Variants in ASIC2 observed in about 807,000 individuals in gnomAD.
ASIC2 encodes the protein acid-sensing ion channel 2.
In ASIC2, 25 loss-of-function variants were observed where a neutral mutation model predicts 57.3. That is an observed-to-expected ratio of 0.44 (90% confidence interval 0.32 to 0.61). The LOEUF is 0.61. ASIC2 is among the 20% of genes least tolerant of loss of function. ASIC2 has a pLI of 0.06. For synonymous variants in ASIC2, 319 were observed against 307.5 expected, an observed-to-expected ratio of 1.04 and a Z score of -0.39; for missense variants, 641 against 738.1, an observed-to-expected ratio of 0.87 and a Z score of 1.52.
intron 1 of ASIC2, among the ~76,000 whole-genome samples, chr17:33,966,912 C>T (rs938698570): frequency 6.6e-6 from 1 of 152,154 alleles, no homozygotes; most frequent in Non-Finnish European, 1.5e-5. Context: ...TGACCCCCCG[C>T]ACCCACCCCA....
intron 1 of ASIC2, among the ~76,000 whole-genome samples, chr17:33,364,134 C>T (rs1908716901): frequency 6.6e-6 from 1 of 152,144 alleles, no homozygotes; most frequent in South Asian, 2.1e-4. Flanking sequence ...AAGTGGAACT[C>T]ATAGTCTAGG....
chr17:34,132,701 G>A (rs1351429877), intron 1 of ASIC2, among the ~76,000 whole-genome samples: 3 of 152,156 alleles, frequency 2.0e-5, no homozygotes, highest in East Asian at 1.9e-4. Context: ...CTCGACCCAC[G>A]AAGTCCAGCT....
chr17:33,766,346 G>C (rs1910935942), intron 1 of ASIC2, among the ~76,000 whole-genome samples: 1 of 152,166 alleles, frequency 6.6e-6, no homozygotes, highest in Non-Finnish European at 1.5e-5. Flanking sequence ...CTTTTGGAAT[G>C]TATCCCCTAC....
Position 33,111,937 on chromosome 17 carries a change from A to T in ASIC2, c.839T>A (p.Leu280Gln). 4 of 1,613,502 alleles carry T rather than the reference A, an allele frequency of 2.5e-6. No individual in the cohort carries two copies. The highest frequency in any genetic ancestry group is 3.4e-6 in the Non-Finnish European group (4 of 1,179,716). ...IMLDIQQDEY[L>Q]PIWGETEETT... ...CTCACCTGTCTCTCCCCAGATGGGCAGGTACTCATCCTGCTGAATGTCCAG... is the reference window on the plus strand; with the variant it reads ...CTCACCTGTCTCTCCCCAGATGGGCTGGTACTCATCCTGCTGAATGTCCAG... Residue 280 changes from leucine (L) to glutamine (Q), a missense_variant, in exon 2 of 10, where the codon CTG becomes CAG. By Grantham distance (113) the Leu-to-Gln change is moderately radical. Coordinates refer to ENST00000225823, the MANE Select transcript of ASIC2 (RefSeq NM_183377.2).
intron 1 of ASIC2, among the ~76,000 whole-genome samples, chr17:33,145,357 TC>T (rs1904518285): frequency 6.6e-6 from 1 of 152,216 alleles, no homozygotes; most frequent in Non-Finnish European, 1.5e-5. Context: ...TGGGCTGCCA[TC>T]CCTGCCTGCG....
intron 1 of ASIC2, among the ~76,000 whole-genome samples, chr17:33,686,995 C>T (rs1328430686): frequency 4.6e-5 from 7 of 152,126 alleles, no homozygotes; most frequent in Non-Finnish European, 7.3e-5. Context: ...GGAACCTATG[C>T]GGGCTTTGGG....
intron 1 of ASIC2, among the ~76,000 whole-genome samples, chr17:33,916,637 T>C (rs1915591669): frequency 6.6e-6 from 1 of 152,186 alleles, no homozygotes; most frequent in African/African-American, 2.4e-5. Context: ...ACTCTCTTCT[T>C]AGTCTCCTTT....
At chr17:33,731,264 C>T (rs766151935) in intron 1 of ASIC2, among the ~76,000 whole-genome samples, 2 of 152,146 alleles carry the variant, frequency 1.3e-5, no homozygotes, top group Admixed American at 1.3e-4. Flanking sequence ...GGGAAGTAGA[C>T]ATTTGAAGTT....
intron 1 of ASIC2, among the ~76,000 whole-genome samples, chr17:33,705,028 T>G (rs1030602035): frequency 6.6e-6 from 1 of 152,214 alleles, no homozygotes; most frequent in Non-Finnish European, 1.5e-5. Flanking sequence ...GGGAACAACA[T>G]GAATGTCAGT....
At chr17:33,902,907 A>G (rs1487874153) in intron 1 of ASIC2, among the ~76,000 whole-genome samples, 1 of 152,306 alleles carries the variant, frequency 6.6e-6, no homozygotes, top group East Asian at 1.9e-4. Context: ...CAAACATCAC[A>G]GCAAGCATTC....
intron 1 of ASIC2, among the ~76,000 whole-genome samples, chr17:33,760,097 C>T (rs1910735961): frequency 6.6e-6 from 1 of 151,814 alleles, no homozygotes; most frequent in African/African-American, 2.4e-5. Context: ...TACTGTCTCA[C>T]CAGAGCAGTT....
chr17:33,390,548 G>A (rs1354066019), intron 1 of ASIC2, among the ~76,000 whole-genome samples: 1 of 152,160 alleles, frequency 6.6e-6, no homozygotes, highest in Non-Finnish European at 1.5e-5. Context: ...TGGTGCCTCT[G>A]CCTCAAGGTC....
At chr17:33,017,718 T>G (rs1432688635) in intron 7 of ASIC2, 34 bp from the exon 8 acceptor site, 3 of 1,585,178 alleles carry the variant, frequency 1.9e-6, no homozygotes, top group Non-Finnish European at 2.6e-6. Flanking sequence ...AAGCTTTGCT[T>G]TTATGCAGCT....
chr17:33,182,317 G>T (rs1157998771), intron 1 of ASIC2, among the ~76,000 whole-genome samples: 1 of 152,094 alleles, frequency 6.6e-6, no homozygotes, highest in Non-Finnish European at 1.5e-5. Context: ...GGAAAGCTGG[G>T]GTTGCTACTG....
intron 1 of ASIC2, among the ~76,000 whole-genome samples, chr17:33,591,373 C>T (rs1223054324): frequency 6.6e-6 from 1 of 152,234 alleles, no homozygotes; most frequent in Non-Finnish European, 1.5e-5. Context: ...ATAGATGCCA[C>T]TGGGGCTGCA....
At chr17:33,673,044 G>C (rs1907685894) in intron 1 of ASIC2, among the ~76,000 whole-genome samples, 1 of 152,170 alleles carries the variant, frequency 6.6e-6, no homozygotes. Flanking sequence ...AGCTTGGGAT[G>C]GGGGACATAA....
chr17:33,699,872 TGA>T (rs1421765975), intron 1 of ASIC2, among the ~76,000 whole-genome samples: 1 of 152,208 alleles, frequency 6.6e-6, no homozygotes, highest in African/African-American at 2.4e-5. Context: ...ACTTACAGCA[TGA>T]GAGGAGTACA....
chr17:34,036,934 CGAA>C (rs1907911266), intron 1 of ASIC2: 1 of 152,298 alleles, frequency 6.6e-6, no homozygotes, highest in African/African-American at 2.4e-5. Context: ...GGAGACCAGA[CGAA>C]GGAGAAAGCT....
chr17:33,581,451 A>C (rs1904438059), intron 1 of ASIC2: 1 of 152,224 alleles, frequency 6.6e-6, no homozygotes, highest in South Asian at 2.1e-4. Flanking sequence ...TGTTACTGGA[A>C]GGAGGGCCTT....
Sources: gnomAD v4.1 joint callset for allele counts (sites outside exome capture counted in the v4.1 genomes callset) on GRCh38, gnomAD v4.1.1 for gene constraint, MANE v1.5 for transcripts, NCBI Gene and HGNC (gene_info 2026-07-23, HGNC 2026-07-21) for gene names.